The following TPD52 variants were observed in gnomAD, a reference collection of about 807,000 sequenced individuals.
The protein encoded by TPD52 is prostate and colon associated protein.
A neutral mutation model predicts 31.3 loss-of-function variants in TPD52; 17 were observed. The observed-to-expected ratio is 0.54, with a 90% CI of 0.37 to 0.82. The LOEUF (loss-of-function observed/expected upper bound fraction) is 0.82. Ranked by LOEUF, TPD52 falls within the 40% of genes least tolerant of loss-of-function variation. The pLI is 0.00. For synonymous variants in TPD52, 83 were observed against 89.6 expected (o/e 0.93, Z 0.42); for missense variants, 212 against 240.1 (o/e 0.88, Z 0.77).
At chr8:80,092,252 T>C (rs1816332377) in intron 1 of TPD52, among the ~76,000 whole-genome samples, 1 of 152,200 alleles carries the variant, frequency 6.6e-6, no homozygotes, top group South Asian at 2.1e-4. Context: ...TATCGAACAT[T>C]AGAACTTATT....
At position 80,059,862 on chromosome 8, in the gene TPD52, C is replaced by CA. The variant is rs957194653; in HGVS notation, c.135+4615dup. Among the ~76,000 whole-genome samples the CA allele has an allele frequency of 6.7e-5, 10 of 149,658 alleles. No individual in the cohort carries two copies. The South Asian group carries it at 8.5e-4, about 13-fold the overall frequency. The stretch of plus-strand genomic sequence containing the variant: ...GAGTGAGGCTCCATCTCAAAACAAA[C>CA]AAAAAAAAAGAAGTTCAAGACCAGC... On this transcript the variant is annotated intron_variant, in intron 2 of 7. Transcript: ENST00000518937.
At chr8:80,105,645 C>T (rs913323045) in intron 1 of TPD52, among the ~76,000 whole-genome samples, 3 of 151,822 alleles carry the variant, frequency 2.0e-5, no homozygotes, top group Admixed American at 6.6e-5. Context: ...GTCTGCGGCT[C>T]GTCCTGCTAC....
chr8:80,080,867 A>T, intron 1 of TPD52: 1 of 571,296 alleles, frequency 1.8e-6, no homozygotes, highest in Non-Finnish European at 2.2e-6. Flanking sequence ...TTTATTTAAA[A>T]TAAATAAATA....
Position 80,168,798 on chromosome 8 carries a change from C to T in TPD52, c.19+2627G>A, listed in dbSNP as rs556418791. On this transcript the variant is annotated intron_variant, in intron 1 of 7. Coordinates refer to ENST00000518937, the MANE Select transcript of TPD52 (RefSeq NM_001025253.3). ...AAACAGAACAGGAGAAAGTGGGAAA[C>T]AAGAGATGGATTTGGAGGGACACAG... Among the ~76,000 whole-genome samples, 5 of 152,306 alleles carry T rather than the reference C, an allele frequency of 3.3e-5. No individual in the cohort carries two copies. In the East Asian group the frequency reaches 5.8e-4, roughly 18 times the overall value.
chr8:80,040,867 A>G (rs1401736180), intron 7 of TPD52, among the ~76,000 whole-genome samples: 1 of 152,206 alleles, frequency 6.6e-6, no homozygotes, highest in Non-Finnish European at 1.5e-5. Flanking sequence ...ATATATTGTT[A>G]CTCATCAGAT....
chr8:80,139,892 T>C (rs7844190), intron 1 of TPD52, among the ~76,000 whole-genome samples: 77,310 of 151,890 alleles, frequency 0.51, 20,176 homozygotes, highest in East Asian at 0.78. Flanking sequence ...GTCACCCAGC[T>C]AGGGGACCCC....
chr8:80,116,595 A>G (rs1384670397), intron 1 of TPD52, among the ~76,000 whole-genome samples: 1 of 152,198 alleles, frequency 6.6e-6, no homozygotes, highest in Non-Finnish European at 1.5e-5. Context: ...AATTATTCAC[A>G]AATACTTTCA....
intron 7 of TPD52, chr8:80,042,014 AG>A (rs1810435145): frequency 4.5e-6 from 1 of 220,660 alleles, no homozygotes; most frequent in South Asian, 1.6e-4. Context: ...GCTTGAACCC[AG>A]GAAGTGGAGG....
intron 1 of TPD52, among the ~76,000 whole-genome samples, chr8:80,163,394 T>C (rs1345911426): frequency 2.6e-5 from 4 of 152,166 alleles, no homozygotes; most frequent in Admixed American, 2.6e-4. Context: ...ATTCCACCTA[T>C]ATGAGGTATC....
At chr8:80,160,644 C>T (rs1417503049) in intron 1 of TPD52, among the ~76,000 whole-genome samples, 3 of 152,136 alleles carry the variant, frequency 2.0e-5, no homozygotes, top group African/African-American at 7.2e-5. Context: ...GCACTTTCCA[C>T]TACTGTCAAC....
chr8:80,124,060 T>C (rs180881673), intron 1 of TPD52, among the ~76,000 whole-genome samples: 10 of 152,088 alleles, frequency 6.6e-5, no homozygotes, highest in Admixed American at 4.6e-4. Context: ...TGAGAACACA[T>C]CCCTCTTTGG....
At position 80,103,477 on chromosome 8, in the gene TPD52, A is replaced by C. The variant is rs73691177; in HGVS notation, c.20-38884T>G. Among the ~76,000 whole-genome samples, 743 of 152,354 alleles carry C rather than the reference A, an allele frequency of 4.9e-3. 8 individuals are homozygous for C. The highest frequency in any genetic ancestry group is 0.017 in the African/African-American group (701 of 41,576). On this transcript the variant is annotated intron_variant, in intron 1 of 7. Coordinates refer to ENST00000518937, the MANE Select transcript of TPD52 (RefSeq NM_001025253.3). ...ATGCTACCCCATTCACAAACTGCTGAATGCTCAACTAAACTGCTGAAAATG... is the reference window on the plus strand; with the variant it reads ...ATGCTACCCCATTCACAAACTGCTGCATGCTCAACTAAACTGCTGAAAATG...
At chr8:80,107,947 T>C (rs4740110) in intron 1 of TPD52, among the ~76,000 whole-genome samples, 67,573 of 151,984 alleles carry the variant, frequency 0.44, 15,510 homozygotes, top group East Asian at 0.79. Flanking sequence ...GAGGAAAATG[T>C]GCAGTAAAAA....
chr8:80,120,990 G>C lies in TPD52; in HGVS notation c.19+50435C>G, dbSNP rs1021598898. Among the ~76,000 whole-genome samples, 6 of 151,940 alleles carry C rather than the reference G, an allele frequency of 3.9e-5. No homozygotes were observed. In the South Asian group the frequency reaches 6.2e-4, roughly 16 times the overall value. ...CCAGCTGCTTGGGAGGCTGAGGCAG[G>C]AGGATAGCTTGAACCAGGGAGGCAG... is the stretch of plus-strand genomic sequence containing the variant. On this transcript the variant is annotated intron_variant, in intron 1 of 7. Coordinates refer to ENST00000518937, the MANE Select transcript of TPD52 (RefSeq NM_001025253.3).
intron 1 of TPD52, among the ~76,000 whole-genome samples, chr8:80,143,675 A>G (rs988298787): frequency 1.3e-5 from 2 of 152,224 alleles, no homozygotes; most frequent in African/African-American, 4.8e-5. Context: ...AAAAGCGACC[A>G]ACTGATCAAT....
chr8:80,154,747 ACAC>A (rs775749763), intron 1 of TPD52, among the ~76,000 whole-genome samples: 3,646 of 76,390 alleles, frequency 0.048, 186 homozygotes, highest in African/African-American at 0.11. Context: ...ACACACACAC[ACAC>A]ACAAAACACC....
At chr8:80,153,114 A>G (rs1271002559) in intron 1 of TPD52, among the ~76,000 whole-genome samples, 2 of 152,218 alleles carry the variant, frequency 1.3e-5, no homozygotes. Context: ...ATTACAAAGA[A>G]ATGTCTTACT....
At chr8:80,064,903 G>A (rs1812954399) in intron 1 of TPD52, 6 of 517,632 alleles carry the variant, frequency 1.2e-5, no homozygotes, top group Non-Finnish European at 2.2e-5. Context: ...AGATCTTGCT[G>A]AGACTTTAAA....
intron 1 of TPD52, among the ~76,000 whole-genome samples, chr8:80,092,097 T>C (rs539350139): frequency 6.6e-6 from 1 of 152,362 alleles, no homozygotes; most frequent in African/African-American, 2.4e-5. Flanking sequence ...ATGCTTACAC[T>C]GTGTAATGAT....
Sources: gnomAD v4.1 joint callset for allele counts (sites outside exome capture counted in the v4.1 genomes callset) on GRCh38, gnomAD v4.1.1 for gene constraint, MANE v1.5 for transcripts, NCBI Gene and HGNC (gene_info 2026-07-23, HGNC 2026-07-21) for gene names.